Variants in PTPN14 observed in about 807,000 individuals in gnomAD.
PTPN14 encodes the protein protein tyrosine phosphatase non-receptor type 14.
A neutral mutation model predicts 126.8 loss-of-function variants in PTPN14; 53 were observed. The observed-to-expected ratio is 0.42, with a 90% confidence interval of 0.34 to 0.53. The LOEUF is 0.53. Among genes scored for constraint, PTPN14 ranks in the 20% least tolerant of loss-of-function variants. The pLI is 0.08. For missense variants in PTPN14, 1,257 were observed against 1,552.9 expected, an observed-to-expected ratio of 0.81 and a Z score of 3.20; for synonymous variants, 630 against 599.3, an observed-to-expected ratio of 1.05 and a Z score of -0.75.
chr1:214,367,193 G>C (rs1395806437), intron 17 of PTPN14, among the ~76,000 whole-genome samples: 4 of 152,116 alleles, frequency 2.6e-5, no homozygotes, highest in African/African-American at 9.7e-5. Flanking sequence ...CACGTGATCA[G>C]GTGAAAGAAA....
chr1:214,393,431 A>G (rs1464590043), intron 10 of PTPN14, among the ~76,000 whole-genome samples: 1 of 152,230 alleles, frequency 6.6e-6, no homozygotes, highest in Non-Finnish European at 1.5e-5. Flanking sequence ...AGGGTTGGAA[A>G]GGCGCTAATG....
intron 1 of PTPN14, among the ~76,000 whole-genome samples, chr1:214,526,625 A>C (rs1392428454): frequency 6.6e-6 from 1 of 152,226 alleles, no homozygotes; most frequent in African/African-American, 2.4e-5. Flanking sequence ...ACCCAAGATT[A>C]TATCCAAGTA....
chr1:214,502,015 T>C (rs757186645), intron 1 of PTPN14, among the ~76,000 whole-genome samples: 5 of 136,872 alleles, frequency 3.7e-5, no homozygotes, highest in Non-Finnish European at 7.5e-5. Flanking sequence ...GCCGAGACTG[T>C]GCCACTGCCC....
intron 1 of PTPN14, among the ~76,000 whole-genome samples, chr1:214,487,749 G>A (rs1165429793): frequency 1.3e-5 from 2 of 152,310 alleles, no homozygotes; most frequent in African/African-American, 4.8e-5. Context: ...TTTGTTGAGA[G>A]CTAACATGTT....
chr1:214,519,929 A>T (rs925844273), intron 1 of PTPN14, among the ~76,000 whole-genome samples: 1 of 150,828 alleles, frequency 6.6e-6, no homozygotes, highest in Non-Finnish European at 1.5e-5. Context: ...CGCCTATAGT[A>T]CCAGCTACTT....
At chr1:214,386,983 C>T (rs1338798859) in intron 11 of PTPN14, 61 bp from the exon 12 acceptor site, 2 of 1,446,104 alleles carry the variant, frequency 1.4e-6, no homozygotes, top group African/African-American at 2.8e-5. Flanking sequence ...GTGACTCACA[C>T]AGCCGGCCCA....
At chr1:214,456,750 C>A (rs1660392285) in intron 2 of PTPN14, among the ~76,000 whole-genome samples, 1 of 152,090 alleles carries the variant, frequency 6.6e-6, no homozygotes, top group Non-Finnish European at 1.5e-5. Context: ...AATCTCTATA[C>A]CTAGAAAATG....
intron 1 of PTPN14, among the ~76,000 whole-genome samples, chr1:214,467,042 C>T (rs900631869): frequency 6.6e-6 from 1 of 152,118 alleles, no homozygotes; most frequent in Non-Finnish European, 1.5e-5. Context: ...AATACATATG[C>T]TAGAAACTCT....
rs1393093490 is a variant in PTPN14 at position 214,384,773 on chromosome 1, C to T, written c.1082G>A (p.Gly361Glu). Residue 361 changes from glycine (G) to glutamate (E), a missense_variant, in exon 13 of 19, where the codon GGG becomes GAG. By Grantham distance (98) the Gly-to-Glu change is moderately conservative (BLOSUM62 -2). Around this residue, in one of 3 missense-constraint regions of PTPN14, gnomAD observed 1,021 missense variants for 1,183.3 expected, o/e 0.86. Transcript: ENST00000366956. This position sits in a 1 kb window ranked among gnomAD's most constrained non-coding sequence, Gnocchi z 5.3. The stretch of plus-strand genomic sequence containing the variant: ...GTTGCAATACAAGGCTTCTTCATTC[C>T]CATGAAAAATGCTGTCTACAAGAAG... Reference protein sequence around the residue: ...THTSQDSIFHGNEEALYCNSH... With the variant: ...THTSQDSIFHENEEALYCNSH... 6.2e-7 allele frequency: 1 copy of T among 1,611,914 alleles called. No homozygotes were observed. Among genetic ancestry groups the T allele is most frequent in the Non-Finnish European group, 8.5e-7 (1 of 1,179,070 alleles).
intron 1 of PTPN14, among the ~76,000 whole-genome samples, chr1:214,478,235 T>C (rs1298262360): frequency 6.6e-6 from 1 of 152,230 alleles, no homozygotes; most frequent in African/African-American, 2.4e-5. Context: ...TGAGTATCCA[T>C]AATACATAGT....
At chr1:214,530,916 T>G (rs1297800154) in intron 1 of PTPN14, 1 of 152,190 alleles carries the variant, frequency 6.6e-6, no homozygotes. Context: ...AACTTCTATA[T>G]TAATATAAAA....
intron 1 of PTPN14, among the ~76,000 whole-genome samples, chr1:214,487,214 G>A (rs1661133247): frequency 6.7e-6 from 1 of 150,344 alleles, no homozygotes; most frequent in African/African-American, 2.5e-5. Flanking sequence ...GAAAGAAAAG[G>A]AGAAGGAAAG....
intron 1 of PTPN14, among the ~76,000 whole-genome samples, chr1:214,534,630 G>A (rs545840498): frequency 2.6e-5 from 4 of 152,030 alleles, no homozygotes; most frequent in East Asian, 1.9e-4. Flanking sequence ...GGAGAATGGC[G>A]TGAATGTGGG....
rs748664799 is a variant in PTPN14, at chr1:214,386,865, A to C, written c.1045T>G (p.Ser349Ala). ...TTACCTTGCGAGGTGTGCGTTTCCG[A>C]GTAGTGCTCACCACACTGGACGTGA... is the stretch of plus-strand genomic sequence containing the variant. ...PVHVQCGEHY[S>A]ETHTSQDSIF... The change falls in exon 12 of 19, where the codon TCG (serine) becomes GCG (alanine). Residue 349 changes from serine (S) to alanine (A), a missense_variant. Ser to Ala is a moderately conservative substitution (Grantham distance 99). This residue lies in a region of PTPN14 where 1,021 missense variants were observed against 1,183.3 expected (regional missense o/e 0.86). Coordinates refer to ENST00000366956, the MANE Select transcript of PTPN14 (RefSeq NM_005401.5). The C allele has an allele frequency of 1.2e-6, 2 of 1,607,164 alleles. No individual in the cohort carries two copies.
chr1:214,527,816 G>A (rs1468140551), intron 1 of PTPN14, among the ~76,000 whole-genome samples: 1 of 152,176 alleles, frequency 6.6e-6, no homozygotes, highest in Admixed American at 6.5e-5. Flanking sequence ...ATGCAGTCTG[G>A]TGGTTTTAAA....
At chr1:214,395,644 T>A in intron 8 of PTPN14, among the ~76,000 whole-genome samples, 1 of 124,330 alleles carries the variant, frequency 8.0e-6, no homozygotes, top group East Asian at 3.6e-4. Context: ...CAGAGTTTCC[T>A]TCCCTGTCTT....
At chr1:214,402,347 T>A (rs1571976590) in intron 6 of PTPN14, among the ~76,000 whole-genome samples, 2 of 143,286 alleles carry the variant, frequency 1.4e-5, no homozygotes, top group Non-Finnish European at 3.0e-5. Context: ...GTCTGAGGCA[T>A]GAGAATTGCT....
chr1:214,499,939 G>C (rs1334895555), intron 1 of PTPN14, among the ~76,000 whole-genome samples: 1 of 151,812 alleles, frequency 6.6e-6, no homozygotes, highest in Non-Finnish European at 1.5e-5. Flanking sequence ...GTGCCAGCAG[G>C]CTTGAGGAGG....
intron 2 of PTPN14, among the ~76,000 whole-genome samples, chr1:214,452,273 T>A (rs1660289296): frequency 6.6e-6 from 1 of 152,198 alleles, no homozygotes; most frequent in Non-Finnish European, 1.5e-5. Context: ...GTGCTGACTT[T>A]TCCCCTGATA....
Sources: allele counts gnomAD v4.1 joint callset (sites outside exome capture counted in the v4.1 genomes callset), GRCh38; gene constraint gnomAD v4.1.1; regional missense constraint gnomAD v4.1.1; non-coding constraint Gnocchi (gnomAD v3.1); transcripts MANE v1.5; gene names NCBI Gene and HGNC (gene_info 2026-07-23, HGNC 2026-07-21).